KCNH8: variants seen among roughly 807,000 people sequenced by gnomAD.
KCNH8 encodes potassium voltage-gated channel subfamily H member 8.
In KCNH8, 70 loss-of-function variants were observed where a neutral mutation model predicts 103.6. The ratio of observed to expected loss-of-function variants is 0.68; its 90% confidence interval spans 0.56 to 0.82. The LOEUF is 0.82. Among genes scored for constraint, KCNH8 ranks in the 40% least tolerant of loss-of-function variants. The probability of loss-of-function intolerance (pLI) is 0.00; values close to 1 mark genes in which losing one functional copy is unlikely to be tolerated. For missense variants in KCNH8, 1,217 were observed against 1,329.9 expected, an observed-to-expected ratio of 0.92 and a Z score of 1.32; for synonymous variants, 498 against 489.4, an observed-to-expected ratio of 1.02 and a Z score of -0.23.
At chr3:19,156,014 A>G (rs2063177868) in intron 1 of KCNH8, among the ~76,000 whole-genome samples, 1 of 152,132 alleles carries the variant, frequency 6.6e-6, no homozygotes, top group African/African-American at 2.4e-5. Flanking sequence ...AATTATATTT[A>G]TCTCCCTTTA....
At chr3:19,297,856 AG>A (rs1303062645) in intron 3 of KCNH8, among the ~76,000 whole-genome samples, 5 of 152,200 alleles carry the variant, frequency 3.3e-5, no homozygotes, top group African/African-American at 1.2e-4. Flanking sequence ...TGAAAGCTGC[AG>A]ATGCTTATCA....
chr3:19,161,100 A>G (rs2063229817), intron 1 of KCNH8, among the ~76,000 whole-genome samples: 1 of 152,194 alleles, frequency 6.6e-6, no homozygotes, highest in Non-Finnish European at 1.5e-5. Context: ...AAATTGTGCT[A>G]GTTTTGCTGT....
chr3:19,375,831 G>GC (rs2066186918), intron 5 of KCNH8, among the ~76,000 whole-genome samples: 1 of 151,944 alleles, frequency 6.6e-6, no homozygotes, highest in Non-Finnish European at 1.5e-5. Context: ...AACAGACAGG[G>GC]CCCTCAGCTG....
chr3:19,390,711 T>G, intron 6 of KCNH8, 73 bp downstream of exon 6: 1 of 1,433,754 alleles, frequency 7.0e-7, no homozygotes, highest in Non-Finnish European at 9.5e-7. Context: ...TTTAAATGCT[T>G]GTGGCGATTT....
intron 5 of KCNH8, among the ~76,000 whole-genome samples, chr3:19,387,883 A>C (rs904635786): frequency 6.6e-6 from 1 of 151,978 alleles, no homozygotes; most frequent in Non-Finnish European, 1.5e-5. Flanking sequence ...TTGTTTTTTA[A>C]AAAGCTCTTT....
chr3:19,491,672 T>C (rs1023647035), intron 11 of KCNH8, among the ~76,000 whole-genome samples: 1 of 152,222 alleles, frequency 6.6e-6, no homozygotes, highest in Non-Finnish European at 1.5e-5. Context: ...TTCTTTTTGA[T>C]GTAGTGATCT....
intron 2 of KCNH8, among the ~76,000 whole-genome samples, chr3:19,268,695 G>A (rs2125264534): frequency 6.6e-6 from 1 of 152,182 alleles, no homozygotes; most frequent in Admixed American, 6.5e-5. Context: ...AAGACCAGCA[G>A]CATCAGCATA....
intron 5 of KCNH8, among the ~76,000 whole-genome samples, chr3:19,381,571 T>C (rs1390308177): frequency 2.0e-5 from 3 of 152,086 alleles, no homozygotes; most frequent in Non-Finnish European, 4.4e-5. Flanking sequence ...AGATTTTCCT[T>C]AGACAAAAGT....
chr3:19,483,966 C>A (rs2068144621), intron 11 of KCNH8, among the ~76,000 whole-genome samples: 1 of 151,830 alleles, frequency 6.6e-6, no homozygotes. Context: ...TTTATATAGT[C>A]CTAATTTATG....
chr3:19,207,906 G>GA (rs2063732681), intron 1 of KCNH8, among the ~76,000 whole-genome samples: 1 of 151,864 alleles, frequency 6.6e-6, no homozygotes. Context: ...ATCAAAGAGG[G>GA]AAAAAATGTT....
At chr3:19,324,059 G>A (rs1384940542) in intron 3 of KCNH8, among the ~76,000 whole-genome samples, 2 of 152,178 alleles carry the variant, frequency 1.3e-5, no homozygotes, top group Non-Finnish European at 2.9e-5. Flanking sequence ...GATCCATAGA[G>A]CTCCCAAGAG....
chr3:19,206,320 G>T (rs530219347), intron 1 of KCNH8, among the ~76,000 whole-genome samples: 5 of 140,654 alleles, frequency 3.6e-5, no homozygotes, highest in Non-Finnish European at 5.9e-5. Context: ...TGGGCATTAG[G>T]GCTGGTTCCA....
At chr3:19,248,058 C>T (rs1196762796) in intron 1 of KCNH8, among the ~76,000 whole-genome samples, 1 of 151,956 alleles carries the variant, frequency 6.6e-6, no homozygotes, top group African/African-American at 2.4e-5. Flanking sequence ...TTTACAGGCC[C>T]ATATCAAAAC....
chr3:19,210,990 A>C (rs2063765327), intron 1 of KCNH8, among the ~76,000 whole-genome samples: 1 of 152,154 alleles, frequency 6.6e-6, no homozygotes. Flanking sequence ...TGCCTAGTTG[A>C]TGCCACTATC....
intron 3 of KCNH8, among the ~76,000 whole-genome samples, chr3:19,319,439 T>C (rs1465081470): frequency 6.6e-6 from 1 of 152,072 alleles, no homozygotes; most frequent in African/African-American, 2.4e-5. Context: ...CCCCACTTTA[T>C]GTTTTTGTTT....
chr3:19,427,775 C>A (rs978184672), intron 7 of KCNH8, among the ~76,000 whole-genome samples: 1 of 152,104 alleles, frequency 6.6e-6, no homozygotes, highest in African/African-American at 2.4e-5. Flanking sequence ...GGGAAGTGTT[C>A]AGAAAAGTTT....
At chr3:19,207,950 A>G (rs1168715185) in intron 1 of KCNH8, among the ~76,000 whole-genome samples, 1 of 151,986 alleles carries the variant, frequency 6.6e-6, no homozygotes, top group African/African-American at 2.4e-5. Context: ...ATTGGTATGG[A>G]TTTCAAGATT....
At chr3:19,202,365 C>T (rs2063671825) in intron 1 of KCNH8, among the ~76,000 whole-genome samples, 1 of 151,978 alleles carries the variant, frequency 6.6e-6, no homozygotes, top group Admixed American at 6.6e-5. Context: ...TTTGTGATTC[C>T]CATGTGCAAT....
intron 1 of KCNH8, among the ~76,000 whole-genome samples, chr3:19,203,886 T>C (rs1255034428): frequency 6.6e-6 from 1 of 152,078 alleles, no homozygotes; most frequent in Non-Finnish European, 1.5e-5. Context: ...GTGACTGTTA[T>C]GCTATGTTTA....
Sources: allele counts gnomAD v4.1 joint callset (sites outside exome capture counted in the v4.1 genomes callset), GRCh38; gene constraint gnomAD v4.1.1; transcripts MANE v1.5; gene names NCBI Gene and HGNC (gene_info 2026-07-23, HGNC 2026-07-21).